The following MYH16 variants were observed in gnomAD, a reference collection of about 807,000 sequenced individuals.
MYH16 encodes the protein myosin heavy chain 16.
chr7:99,249,586 T>G (rs1269259722), intron 4 of MYH16, among the ~76,000 whole-genome samples: 30 of 135,704 alleles, frequency 2.2e-4, no homozygotes, highest in Non-Finnish European at 3.3e-4. Flanking sequence ...TTTTTTTTTT[T>G]TTTTTTTTTT....
At chr7:99,300,064 A>G (rs1489410477) in intron 37 of MYH16, among the ~76,000 whole-genome samples, 1 of 151,588 alleles carries the variant, frequency 6.6e-6, no homozygotes, top group Non-Finnish European at 1.5e-5. Flanking sequence ...GGTTCAAGCA[A>G]TTCTCCTGCC....
intron 12 of MYH16, chr7:99,260,424 G>A: frequency 1.7e-6 from 1 of 576,924 alleles, no homozygotes; most frequent in African/African-American, 1.9e-5. Flanking sequence ...TGGCTTCAGG[G>A]GAGTCAGTGA....
intron 18 of MYH16, among the ~76,000 whole-genome samples, chr7:99,269,556 A>T (rs1306511246): frequency 1.3e-5 from 2 of 152,172 alleles, no homozygotes; most frequent in African/African-American, 4.8e-5. Context: ...GATTACAGGC[A>T]TAAGCCACAC....
At chr7:99,238,844 A>C (rs1791625637) in exon 1 of MYH16, 1 of 152,922 alleles carries the variant, frequency 6.5e-6, no homozygotes, top group Non-Finnish European at 1.5e-5. Flanking sequence ...TGGTGGGTAC[A>C]AAGGGGAGTG....
At chr7:99,300,372 A>G (rs1379026671) in intron 37 of MYH16, among the ~76,000 whole-genome samples, 1 of 151,868 alleles carries the variant, frequency 6.6e-6, no homozygotes, top group Admixed American at 6.5e-5. Context: ...AAATAAACAC[A>G]AACAGAGCTG....
intron 33 of MYH16, among the ~76,000 whole-genome samples, chr7:99,295,615 C>T (rs2150831754): frequency 6.6e-6 from 1 of 152,158 alleles, no homozygotes. Context: ...CAGCCCAATA[C>T]AAGAACGTGG....
At chr7:99,296,593 T>C (rs968192037) in intron 33 of MYH16, 108 bp from the exon 15 acceptor site, 21 of 409,932 alleles carry the variant, frequency 5.1e-5, no homozygotes, top group African/African-American at 4.2e-4. Flanking sequence ...GTCCGTAGTC[T>C]CAAGAGTTAC....
At chr7:99,275,285 G>A (rs761999945) in intron 20 of MYH16, among the ~76,000 whole-genome samples, 7 of 151,986 alleles carry the variant, frequency 4.6e-5, no homozygotes, top group East Asian at 1.9e-4. Flanking sequence ...GGTACACAGC[G>A]CCCGCCCAGC....
At chr7:99,297,443 T>A (rs57529782) in intron 34 of MYH16, among the ~76,000 whole-genome samples, 4,281 of 151,778 alleles carry the variant, frequency 0.028, 157 homozygotes, top group African/African-American at 0.083. Flanking sequence ...AAAAATAAAT[T>A]AATTAATTAA....
At chr7:99,263,895 G>A (rs558674556) in intron 14 of MYH16, among the ~76,000 whole-genome samples, 50 of 152,262 alleles carry the variant, frequency 3.3e-4, no homozygotes, top group African/African-American at 1.1e-3. Flanking sequence ...CCAATTAGTG[G>A]GGCCAGAAAC....
chr7:99,302,364 A>T (rs1695637423), intron 38 of MYH16, among the ~76,000 whole-genome samples: 1 of 141,570 alleles, frequency 7.1e-6, no homozygotes, highest in African/African-American at 2.6e-5. Flanking sequence ...ACACACACAC[A>T]TCCCAACCTG....
intron 20 of MYH16, among the ~76,000 whole-genome samples, chr7:99,274,958 TGA>T (rs892834434): frequency 3.3e-5 from 5 of 151,618 alleles, no homozygotes; most frequent in Non-Finnish European, 5.9e-5. Flanking sequence ...ATTATAGATG[TGA>T]GTCATTGCAC....
At chr7:99,294,252 C>G in intron 33 of MYH16, 102 bp downstream of exon 14, 1 of 366,680 alleles carries the variant, frequency 2.7e-6, no homozygotes, top group Non-Finnish European at 5.4e-6. Context: ...CAGGAAGAAA[C>G]ACATGGTTCA....
chr7:99,298,993 G>A (rs1449993469), intron 36 of MYH16, among the ~76,000 whole-genome samples: 2 of 151,836 alleles, frequency 1.3e-5, no homozygotes, highest in Non-Finnish European at 2.9e-5. Flanking sequence ...TTGGGAGGCT[G>A]AGATGGGAGG....
intron 11 of MYH16, chr7:99,260,134 G>A (rs1011690518): frequency 2.2e-5 from 34 of 1,561,754 alleles, no homozygotes; most frequent in East Asian, 1.4e-4. Flanking sequence ...CTGTGCTGAC[G>A]CCCCTCTTTC....
At chr7:99,263,958 G>A (rs1476277166) in intron 14 of MYH16, among the ~76,000 whole-genome samples, 1 of 152,170 alleles carries the variant, frequency 6.6e-6, no homozygotes, top group African/African-American at 2.4e-5. Flanking sequence ...TGGTCTATGG[G>A]TGCTTCTTCC....
intron 2 of MYH16, among the ~76,000 whole-genome samples, chr7:99,243,969 CCAAA>C (rs1405368025): frequency 6.6e-6 from 1 of 151,896 alleles, no homozygotes; most frequent in Admixed American, 6.6e-5. Context: ...ACCCAAACAT[CCAAA>C]CATTCATCCA....
At chr7:99,243,092 A>G (rs2150804339) in intron 1 of MYH16, among the ~76,000 whole-genome samples, 1 of 152,346 alleles carries the variant, frequency 6.6e-6, no homozygotes, top group South Asian at 2.1e-4. Flanking sequence ...AGGCAGTTGA[A>G]GCTGCATTGG....
intron 9 of MYH16, among the ~76,000 whole-genome samples, chr7:99,256,009 C>T (rs1312597147): frequency 1.3e-5 from 2 of 152,100 alleles, no homozygotes; most frequent in Non-Finnish European, 2.9e-5. Flanking sequence ...CTCTCTGGCT[C>T]CTCTTATGAC....
Sources: allele counts gnomAD v4.1 joint callset (sites outside exome capture counted in the v4.1 genomes callset), GRCh38; gene constraint gnomAD v4.1.1; transcripts MANE v1.5; gene names NCBI Gene and HGNC (gene_info 2026-07-23, HGNC 2026-07-21).